FOXJ3: variants seen among roughly 807,000 people sequenced by gnomAD.
The protein encoded by FOXJ3 is forkhead box protein J3.
Under a neutral mutation model 76.1 loss-of-function variants are expected in FOXJ3, and 22 were observed. That is an observed-to-expected ratio of 0.29 (90% CI 0.21 to 0.41). The LOEUF (loss-of-function observed/expected upper bound fraction) is 0.41. Among genes scored for constraint, FOXJ3 ranks in the 10% least tolerant of loss-of-function variants. The pLI is 1.00. For synonymous variants in FOXJ3, 269 were observed against 261.2 expected, an observed-to-expected ratio of 1.03 and a Z score of -0.29; for missense variants, 613 against 762.1, an observed-to-expected ratio of 0.80 and a Z score of 2.30.
At chr1:42,196,467 CG>C (rs1557628089) in intron 7 of FOXJ3, among the ~76,000 whole-genome samples, 1 of 152,020 alleles carries the variant, frequency 6.6e-6, no homozygotes, top group Non-Finnish European at 1.5e-5. Flanking sequence ...CCGAGGCGGG[CG>C]GATCACCTGA....
intron 4 of FOXJ3, among the ~76,000 whole-genome samples, chr1:42,257,752 A>T (rs1427082231): frequency 1.4e-5 from 2 of 146,732 alleles, no homozygotes; most frequent in Non-Finnish European, 3.0e-5. Flanking sequence ...AAAAAAAAAG[A>T]AAGAAAAGAA....
chr1:42,237,393 C>CATAT (rs1648739670), intron 4 of FOXJ3, among the ~76,000 whole-genome samples: 1 of 61,452 alleles, frequency 1.6e-5, no homozygotes, highest in African/African-American at 5.4e-5. Context: ...TATATATATA[C>CATAT]ATACATACAT....
At chr1:42,288,733 G>A (rs1268671948) in intron 2 of FOXJ3, among the ~76,000 whole-genome samples, 1 of 151,638 alleles carries the variant, frequency 6.6e-6, no homozygotes, top group Non-Finnish European at 1.5e-5. Context: ...GTATAGTAGA[G>A]CTTTTCAGAT....
At chr1:42,193,632 CACA>C (rs1444130604) in intron 8 of FOXJ3, among the ~76,000 whole-genome samples, 13 of 152,110 alleles carry the variant, frequency 8.5e-5, no homozygotes, top group African/African-American at 3.1e-4. Context: ...ATTTCACACA[CACA>C]ACATCAGTAT....
chr1:42,297,413 T>C (rs1653858534), intron 2 of FOXJ3, among the ~76,000 whole-genome samples: 2 of 152,194 alleles, frequency 1.3e-5, no homozygotes, highest in Non-Finnish European at 2.9e-5. Flanking sequence ...GTTTGTCATA[T>C]ATAGCTATTA....
At chr1:42,332,904 A>ATGC (rs1376069097) in intron 1 of FOXJ3, among the ~76,000 whole-genome samples, 1 of 152,138 alleles carries the variant, frequency 6.6e-6, no homozygotes, top group African/African-American at 2.4e-5. Context: ...TCCCAAGGAG[A>ATGC]AGTTTGATGC....
Position 42,276,937 on chromosome 1 carries a change from T to C in FOXJ3, c.369+1411A>G, listed in dbSNP as rs1266599715. ...TATTGCCCAGGCTGGTCTCAAACTC[T>C]TGTCCTAAAGCAATCCTCTTGCCTT... On this transcript the variant is annotated intron_variant, in intron 3 of 12. Transcript: ENST00000361346. Among the ~76,000 whole-genome samples the C allele has an allele frequency of 2.0e-5, 3 of 152,206 alleles. No homozygotes were observed. In the East Asian group the frequency reaches 5.8e-4, roughly 29 times the overall value.
rs369459764 is a variant in FOXJ3, at chr1:42,177,558, T to C, written c.*2152A>G. 2.6e-5 allele frequency: 4 copies of C among 152,560 alleles called. No homozygotes were observed. The highest frequency in any genetic ancestry group is 5.9e-5 in the Non-Finnish European group (4 of 68,028). 9.5% of individuals were successfully genotyped at this position (152,560 alleles called of 1,614,324 possible). A position where few individuals can be genotyped will look rare whatever the true frequency, so the allele number is the denominator to read the frequency against. On this transcript the variant is annotated 3_prime_UTR_variant, in exon 13 of 13. Transcript: ENST00000361346. The stretch of plus-strand genomic sequence containing the variant: ...GCCATCTCATCTTGCCTCTGATCCT[T>C]CTAAGAGGCGCAAGTTGGCTGCCTT...
At chr1:42,266,882 A>G (rs1406584670) in intron 3 of FOXJ3, among the ~76,000 whole-genome samples, 1 of 152,144 alleles carries the variant, frequency 6.6e-6, no homozygotes, top group Non-Finnish European at 1.5e-5. Flanking sequence ...AATGGAAACA[A>G]AACCCTGGTG....
rs996210339 is a variant in FOXJ3, at chr1:42,329,881, T to C, written c.-18+5178A>G. ...TGCCCTTACTTGAAATATTATCCTC[T>C]ATTAATTCGTAACACAGTAAACAGA... On this transcript the variant is annotated intron_variant, in intron 1 of 12. Coordinates refer to ENST00000361346, the MANE Select transcript of FOXJ3 (RefSeq NM_014947.5). Among the ~76,000 whole-genome samples the C allele has an allele frequency of 7.9e-5, 12 of 152,322 alleles. No homozygotes were observed. The East Asian group carries it at 2.1e-3, about 27-fold the overall frequency.
chr1:42,185,252 A>ATTTTTT lies in FOXJ3; in HGVS notation c.1646-3234_1646-3229dup, dbSNP rs36007346. Among the ~76,000 whole-genome samples the ATTTTTT allele has an allele frequency of 4.6e-4, 50 of 108,272 alleles. 2 individuals carry two copies. The highest frequency in any genetic ancestry group is 7.9e-4 in the East Asian group (3 of 3,798). The allele number at this position is 108,272 out of a possible 152,430, so 71.0% of individuals were successfully genotyped here. ...AGAAGTGTAGCCCTCAACATACTGA[A>ATTTTTT]TTTTTTTTTTTTTTTTTTTTTTTGA... On this transcript the variant is annotated intron_variant, in intron 11 of 12. Transcript: ENST00000361346.
intron 3 of FOXJ3, among the ~76,000 whole-genome samples, chr1:42,275,743 A>G (rs749568321): frequency 2.6e-5 from 4 of 152,182 alleles, no homozygotes; most frequent in Non-Finnish European, 5.9e-5. Context: ...ATTAGCTAGT[A>G]CCTCAAAAGT....
intron 2 of FOXJ3, among the ~76,000 whole-genome samples, chr1:42,283,932 G>A (rs1354471100): frequency 2.6e-5 from 4 of 152,092 alleles, no homozygotes; most frequent in African/African-American, 4.8e-5. Context: ...TCTGGAATGC[G>A]GACAGAATTA....
chr1:42,325,130 C>T (rs1655752086), intron 1 of FOXJ3, among the ~76,000 whole-genome samples: 1 of 152,066 alleles, frequency 6.6e-6, no homozygotes, highest in African/African-American at 2.4e-5. Flanking sequence ...GGATAAGAGT[C>T]AAAAAGACAC....
intron 1 of FOXJ3, among the ~76,000 whole-genome samples, chr1:42,329,491 T>C (rs921306168): frequency 6.6e-6 from 1 of 152,126 alleles, no homozygotes; most frequent in Non-Finnish European, 1.5e-5. Flanking sequence ...AGGTAAAGAA[T>C]AACCCCCTCT....
intron 2 of FOXJ3, among the ~76,000 whole-genome samples, chr1:42,293,930 G>T (rs1653607594): frequency 6.6e-6 from 1 of 152,158 alleles, no homozygotes; most frequent in Non-Finnish European, 1.5e-5. Flanking sequence ...TTATCCATCA[G>T]GTTCTCAAGT....
At chr1:42,186,773 A>T (rs1397875399) in intron 11 of FOXJ3, among the ~76,000 whole-genome samples, 1 of 152,154 alleles carries the variant, frequency 6.6e-6, no homozygotes, top group African/African-American at 2.4e-5. Flanking sequence ...TTTCTTACAG[A>T]CTTAGGGCAC....
chr1:42,308,178 G>C (rs1427388777), intron 2 of FOXJ3, among the ~76,000 whole-genome samples: 1 of 152,060 alleles, frequency 6.6e-6, no homozygotes, highest in African/African-American at 2.4e-5. Context: ...CAACTCATTT[G>C]CTTCCTGTCT....
At chr1:42,316,174 GTTTTGT>G (rs1655093243) in intron 1 of FOXJ3, among the ~76,000 whole-genome samples, 3 of 151,826 alleles carry the variant, frequency 2.0e-5, no homozygotes, top group African/African-American at 7.3e-5. Context: ...GAATAAGTTC[GTTTTGT>G]TTTTAAGAGA....
Sources: gnomAD v4.1 joint callset for allele counts (sites outside exome capture counted in the v4.1 genomes callset) on GRCh38, gnomAD v4.1.1 for gene constraint, MANE v1.5 for transcripts, NCBI Gene and HGNC (gene_info 2026-07-23, HGNC 2026-07-21) for gene names.